Variants in HDAC9 observed in about 807,000 individuals in gnomAD.
HDAC9 encodes histone deacetylase 9, also known as MEF-2 interacting transcription repressor (MITR) protein.
Under a neutral mutation model 139.4 loss-of-function variants are expected in HDAC9, and 41 were observed. That is an observed-to-expected ratio of 0.29 (90% CI 0.23 to 0.38). HDAC9 has a LOEUF of 0.38. Ranked by LOEUF, HDAC9 falls within the 10% of genes least tolerant of loss-of-function variation. The pLI is 1.00. For synonymous variants in HDAC9, 517 were observed against 476.2 expected, an observed-to-expected ratio of 1.09 and a Z score of -1.12; for missense variants, 1,147 against 1,297.0, an observed-to-expected ratio of 0.88 and a Z score of 1.78.
At chr7:18,690,206 G>A (rs890143547) in intron 12 of HDAC9, among the ~76,000 whole-genome samples, 1 of 151,976 alleles carries the variant, frequency 6.6e-6, no homozygotes, top group African/African-American at 2.4e-5. Context: ...ATTCCTGAGT[G>A]TTAGATGTGA....
At chr7:18,789,337 TTCTC>T (rs920474561) in intron 16 of HDAC9, among the ~76,000 whole-genome samples, 9 of 150,226 alleles carry the variant, frequency 6.0e-5, no homozygotes, top group South Asian at 4.2e-4. Flanking sequence ...CTTTCTCCCT[TTCTC>T]TCTCTCACTG....
At chr7:18,923,214 G>A (rs751430404) in intron 22 of HDAC9, among the ~76,000 whole-genome samples, 2 of 151,922 alleles carry the variant, frequency 1.3e-5, no homozygotes, top group Non-Finnish European at 2.9e-5. Context: ...ACATCTATCC[G>A]TTAATATCCA....
chr7:18,637,346 A>G (rs1360394796), intron 8 of HDAC9, among the ~76,000 whole-genome samples: 20 of 152,124 alleles, frequency 1.3e-4, no homozygotes, highest in Non-Finnish European at 2.9e-5. Flanking sequence ...GTAAGTATAC[A>G]TCAGTGAAGA....
chr7:18,566,700 A>C (rs1822479595), intron 2 of HDAC9, among the ~76,000 whole-genome samples: 1 of 152,200 alleles, frequency 6.6e-6, no homozygotes. Flanking sequence ...CTGTTTCTTT[A>C]CATTGACAAG....
intron 6 of HDAC9, 118 bp from the exon 7 acceptor site, chr7:18,629,232 T>C (rs1215560744): frequency 2.2e-6 from 2 of 915,382 alleles, no homozygotes; most frequent in African/African-American, 1.7e-5. Context: ...GGTTTTTCAT[T>C]TGAGAATGAG....
intron 1 of HDAC9, among the ~76,000 whole-genome samples, chr7:18,320,314 C>T (rs989619847): frequency 3.3e-5 from 5 of 152,200 alleles, no homozygotes; most frequent in African/African-American, 1.2e-4. Context: ...GACACCTCCA[C>T]AAGGCTTCGA....
intron 2 of HDAC9, among the ~76,000 whole-genome samples, chr7:18,279,932 A>G (rs1478138466): frequency 6.6e-6 from 1 of 152,184 alleles, no homozygotes; most frequent in Admixed American, 6.5e-5. Flanking sequence ...CGAAAGGGGA[A>G]TTCTGAGTGT....
chr7:18,379,173 A>G (rs985551218), intron 1 of HDAC9, among the ~76,000 whole-genome samples: 1 of 152,230 alleles, frequency 6.6e-6, no homozygotes, highest in African/African-American at 2.4e-5. Context: ...TAGAAAATGC[A>G]CTTAAGAGAA....
At chr7:18,325,494 G>GT (rs1562879599) in intron 1 of HDAC9, 1 of 151,732 alleles carries the variant, frequency 6.6e-6, no homozygotes, top group Non-Finnish European at 1.5e-5. Context: ...TAATTTTGCC[G>GT]TTTTCTTTTT....
chr7:18,511,272 A>G (rs763744933), intron 2 of HDAC9, among the ~76,000 whole-genome samples: 3 of 152,212 alleles, frequency 2.0e-5, no homozygotes, highest in Admixed American at 6.5e-5. Context: ...CTCACTATTT[A>G]TTATCCCAGT....
chr7:18,826,028 G>A (rs1040266285), intron 17 of HDAC9, among the ~76,000 whole-genome samples: 8 of 151,974 alleles, frequency 5.3e-5, no homozygotes, highest in Non-Finnish European at 1.2e-4. Context: ...TATAAGGGAT[G>A]GTAGAAAAGC....
At chr7:18,978,556 CTT>C (rs957653333) in intron 25 of HDAC9, among the ~76,000 whole-genome samples, 1 of 151,838 alleles carries the variant, frequency 6.6e-6, no homozygotes, top group African/African-American at 2.4e-5. Flanking sequence ...GGGCAAAAGA[CTT>C]GATCAAAAAA....
chr7:18,442,980 C>A (rs952729944), intron 1 of HDAC9, among the ~76,000 whole-genome samples: 2 of 152,124 alleles, frequency 1.3e-5, no homozygotes, highest in Non-Finnish European at 2.9e-5. Flanking sequence ...CTGATTGACT[C>A]CTAATAATCT....
At chr7:18,347,598 A>G (rs1284632222) in intron 1 of HDAC9, among the ~76,000 whole-genome samples, 1 of 152,072 alleles carries the variant, frequency 6.6e-6, no homozygotes, top group Non-Finnish European at 1.5e-5. Flanking sequence ...ATTTTATTTT[A>G]TCTTACGTTA....
At chr7:18,304,336 G>C (rs950209833) in intron 1 of HDAC9, among the ~76,000 whole-genome samples, 3 of 152,226 alleles carry the variant, frequency 2.0e-5, no homozygotes, top group Non-Finnish European at 2.9e-5. Context: ...GGTACTGATA[G>C]AGCCAGGTTT....
intron 2 of HDAC9, among the ~76,000 whole-genome samples, chr7:18,559,379 C>A (rs1243507166): frequency 6.6e-6 from 1 of 152,146 alleles, no homozygotes; most frequent in Non-Finnish European, 1.5e-5. Flanking sequence ...TTAGATTTCT[C>A]AGGCTTGAGT....
intron 13 of HDAC9, among the ~76,000 whole-genome samples, chr7:18,728,091 A>G (rs1178128): frequency 0.18 from 27,347 of 152,054 alleles, 2,858 homozygotes; most frequent in East Asian, 0.43. Flanking sequence ...TCACTAGGAA[A>G]TTGATGATGC....
rs1337284349 is a variant in HDAC9, at chr7:19,001,329, A to AT, written c.*5274dup. ...TTTTAAAGCAAATTGGAATCGTTTT[A>AT]TTTTTTTGTTTGGGCCTTAGGCACA... On this transcript the variant is annotated 3_prime_UTR_variant, in exon 26 of 26. Coordinates refer to ENST00000686413, the MANE Select transcript of HDAC9 (RefSeq NM_178425.4). The AT allele has an allele frequency of 6.6e-6, 1 of 151,904 alleles. No homozygotes were observed. The highest frequency in any genetic ancestry group is 1.5e-5 in the Non-Finnish European group (1 of 67,932). 9.4% of individuals were successfully genotyped at this position (151,904 alleles called of 1,614,324 possible).
intron 6 of HDAC9, among the ~76,000 whole-genome samples, chr7:18,621,559 G>C (rs1840211208): frequency 6.6e-6 from 1 of 151,968 alleles, no homozygotes; most frequent in South Asian, 2.1e-4. Flanking sequence ...ATGTCTTTAG[G>C]AAATTGCATT....
Sources: gnomAD v4.1 joint callset for allele counts (sites outside exome capture counted in the v4.1 genomes callset) on GRCh38, gnomAD v4.1.1 for gene constraint, MANE v1.5 for transcripts, NCBI Gene and HGNC (gene_info 2026-07-23, HGNC 2026-07-21) for gene names.